ZRANB1: variants seen among roughly 807,000 people sequenced by gnomAD.
The protein encoded by ZRANB1 is ubiquitin thioesterase ZRANB1.
Under a neutral mutation model 80.5 loss-of-function variants are expected in ZRANB1, and 16 were observed. The observed-to-expected ratio is 0.20, with a 90% CI of 0.13 to 0.30. ZRANB1 has a LOEUF of 0.30. Ranked by LOEUF, ZRANB1 falls within the 10% of genes least tolerant of loss-of-function variation. The pLI, the probability that ZRANB1 is intolerant of heterozygous loss-of-function variation, is 1.00. For missense variants in ZRANB1, 576 were observed against 862.6 expected (o/e 0.67, Z 4.16); for synonymous variants, 291 against 293.1 (o/e 0.99, Z 0.07).
intron 2 of ZRANB1, among the ~76,000 whole-genome samples, chr10:124,967,822 A>G (rs899445548): frequency 2.0e-5 from 3 of 152,190 alleles, no homozygotes; most frequent in Non-Finnish European, 4.4e-5. Flanking sequence ...TGGCTTACAT[A>G]ACTAGGTACA....
chr10:124,951,702 A>G (rs915243070), intron 1 of ZRANB1, among the ~76,000 whole-genome samples: 10 of 152,202 alleles, frequency 6.6e-5, no homozygotes, highest in African/African-American at 2.4e-4. Context: ...CATGCCTGTA[A>G]TCCCAGCACT....
chr10:124,954,276 G>A (rs10794193), intron 1 of ZRANB1, among the ~76,000 whole-genome samples: 119,118 of 150,678 alleles, frequency 0.79, 48,409 homozygotes, highest in East Asian at 0.95. Context: ...GTGAGCCACG[G>A]TGCCTGGCCC....
At chr10:124,917,623 C>T in the ZRANB1 span, among the ~76,000 whole-genome samples, 5 of 152,340 alleles carry the variant, frequency 3.3e-5, no homozygotes, top group African/African-American at 1.2e-4. Context: ...TGGGGTTTCG[C>T]TCCCACTCCG....
chr10:124,922,308 TATATATGTAAAATATATGTATATATA>T, the ZRANB1 span, among the ~76,000 whole-genome samples: 14 of 25,654 alleles, frequency 5.5e-4, no homozygotes, highest in Non-Finnish European at 2.1e-3. Flanking sequence ...AAAATATATA[TATATATGTAAAATATATGTATATATA>T]TATTTTTTTT....
chr10:124,961,139 T>C (rs1169969335), intron 1 of ZRANB1, among the ~76,000 whole-genome samples: 3 of 151,992 alleles, frequency 2.0e-5, no homozygotes, highest in African/African-American at 7.2e-5. Context: ...GTAGCTGAGA[T>C]GACAGGCGCA....
At chr10:124,945,469 AGGTG>A (rs1951574337) in intron 1 of ZRANB1, 1 of 142,904 alleles carries the variant, frequency 7.0e-6, no homozygotes, top group South Asian at 2.1e-4. Flanking sequence ...TTGGACTACA[AGGTG>A]GTGTTATAGT....
the ZRANB1 span, among the ~76,000 whole-genome samples, chr10:124,919,219 A>G: frequency 6.6e-6 from 1 of 152,206 alleles, no homozygotes; most frequent in East Asian, 1.9e-4. Context: ...CATGTGCTTT[A>G]TAATAAATGT....
chr10:124,981,964 T>G, intron 6 of ZRANB1, 135 bp downstream of exon 6: 1 of 1,054,610 alleles, frequency 9.5e-7, no homozygotes, highest in Middle Eastern at 2.0e-4. Context: ...TCAGTCAACT[T>G]GGGTTCTAGT....
intron 5 of ZRANB1, among the ~76,000 whole-genome samples, chr10:124,980,779 T>C (rs1226885293): frequency 1.3e-5 from 2 of 152,220 alleles, no homozygotes; most frequent in Non-Finnish European, 1.5e-5. Flanking sequence ...TAACTTTTTT[T>C]TTCCCCCCGC....
At position 124,966,560 on chromosome 10, in the gene ZRANB1, A is replaced by G. The variant is rs550243754; in HGVS notation, c.815-34A>G. The G allele has an allele frequency of 5.6e-4, 887 of 1,593,576 alleles. 11 individuals are homozygous for G. In the South Asian group the frequency reaches 8.6e-3, roughly 16 times the overall value. ...TTTGTGTTTTTTGAAGAAAATGAGA[A>G]TTAAATGCTTTTCTATCTTGATGCT... On this transcript the variant is annotated intron_variant, in intron 1 of 8. Transcript: ENST00000359653.
chr10:124,940,018 AATT>A (rs1951521073), upstream of ZRANB1, among the ~76,000 whole-genome samples: 1 of 152,200 alleles, frequency 6.6e-6, no homozygotes, highest in African/African-American at 2.4e-5. Flanking sequence ...AAATATAAGC[AATT>A]ATTTTGCTTT....
chr10:124,917,501 G>A, the ZRANB1 span, among the ~76,000 whole-genome samples: 2 of 152,036 alleles, frequency 1.3e-5, no homozygotes, highest in East Asian at 1.9e-4. Context: ...GGTCCGCCCA[G>A]CTTGTTTACC....
the ZRANB1 span, among the ~76,000 whole-genome samples, chr10:124,936,380 CTG>C: frequency 1.3e-5 from 2 of 152,110 alleles, no homozygotes; most frequent in African/African-American, 4.8e-5. Context: ...TAGAAAGAAT[CTG>C]TGGGGAGAAG....
chr10:124,973,909 T>TTTTTGTATC (rs1951850651), intron 4 of ZRANB1, among the ~76,000 whole-genome samples, 193 bp downstream of exon 4: 1 of 152,210 alleles, frequency 6.6e-6, no homozygotes, highest in Non-Finnish European at 1.5e-5. Context: ...GATACAAAAA[T>TTTTTGTATC]TTTAAAACCT....
chr10:124,944,721 T>A (rs1951565543), intron 1 of ZRANB1, among the ~76,000 whole-genome samples: 1 of 152,100 alleles, frequency 6.6e-6, no homozygotes, highest in South Asian at 2.1e-4. Context: ...CTTGAACTCC[T>A]GGGCTCAAGC....
In ZRANB1 at chr10:124,966,786, G is replaced by A. The variant is rs893246138; in HGVS notation, c.1002+5G>A. ...CTAGCAATATTGCTTACAGAGGTAA[G>A]TTTGGCGTTTTGGTTAAATGTTCTT... On this transcript the variant is annotated splice_donor_5th_base_variant and intron_variant, in intron 2 of 8. Coordinates refer to ENST00000359653, the MANE Select transcript of ZRANB1 (RefSeq NM_017580.3). The A allele has an allele frequency of 1.9e-6, 3 of 1,605,002 alleles. No individual in the cohort carries two copies. The highest frequency in any genetic ancestry group is 8.5e-7 in the Non-Finnish European group (1 of 1,173,344).
rs75919476 is a variant in ZRANB1, at chr10:124,964,453, C to T, written c.815-2141C>T. 5.9e-3 allele frequency among the ~76,000 whole-genome samples: 903 copies of T among 152,066 alleles called. 7 individuals are homozygous for T. The highest frequency in any genetic ancestry group is 0.018 in the African/African-American group (743 of 41,492). ...GGTGAGTTAGCTAAAAACAATAAAG[C>T]GATTTGAAGATCTCCCCTTCTTCCA... is the stretch of plus-strand genomic sequence containing the variant. On this transcript the variant is annotated intron_variant, in intron 1 of 8. Coordinates refer to ENST00000359653, the MANE Select transcript of ZRANB1 (RefSeq NM_017580.3).
the ZRANB1 span, among the ~76,000 whole-genome samples, chr10:124,935,507 C>T: frequency 6.6e-6 from 1 of 152,206 alleles, no homozygotes; most frequent in Non-Finnish European, 1.5e-5. Flanking sequence ...CAGATTTTGC[C>T]TGCATTGGTT....
At chr10:124,961,380 T>A (rs76972397) in intron 1 of ZRANB1, among the ~76,000 whole-genome samples, 6,929 of 152,338 alleles carry the variant, frequency 0.045, 191 homozygotes, top group South Asian at 0.08. Context: ...TGACTCATGA[T>A]GTGAACTCAT....
Sources: gnomAD v4.1 joint callset for allele counts (sites outside exome capture counted in the v4.1 genomes callset) on GRCh38, gnomAD v4.1.1 for gene constraint, MANE v1.5 for transcripts, NCBI Gene and HGNC (gene_info 2026-07-23, HGNC 2026-07-21) for gene names.